Variants in DESI1 observed in about 807,000 individuals in gnomAD.
The protein encoded by DESI1 is PPPDE peptidase domain containing 2.
DESI1 carries 17 observed loss-of-function variants against 22.4 expected under a neutral mutation model. The ratio of observed to expected loss-of-function variants is 0.76; its 90% CI spans 0.52 to 1.14. The LOEUF (loss-of-function observed/expected upper bound fraction) is 1.14. Among genes scored for constraint, DESI1 ranks in the 50% most tolerant of loss-of-function variants. DESI1 has a pLI of 0.00. For synonymous variants in DESI1, 92 were observed against 84.2 expected, an observed-to-expected ratio of 1.09 and a Z score of -0.51; for missense variants, 177 against 208.9, an observed-to-expected ratio of 0.85 and a Z score of 0.94.
chr22:41,620,145 T>G (rs1569073543), intron 1 of DESI1, among the ~76,000 whole-genome samples: 2 of 152,192 alleles, frequency 1.3e-5, no homozygotes, highest in African/African-American at 4.8e-5. Context: ...GGGAGAAGAC[T>G]GCTTGGTGAA....
At position 41,600,895 on chromosome 22, in the gene DESI1, C is replaced by T; in HGVS notation, c.*202G>A. 1.7e-6 allele frequency: 1 copy of T among 574,494 alleles called. No homozygotes were observed. Among genetic ancestry groups the T allele is most frequent in the Non-Finnish European group, 3.1e-6 (1 of 319,630 alleles). The allele number at this position is 574,494 out of a possible 1,614,324, so 35.6% of individuals were successfully genotyped here. On this transcript the variant is annotated 3_prime_UTR_variant, in exon 6 of 6. Coordinates refer to ENST00000263256, the MANE Select transcript of DESI1 (RefSeq NM_015704.3). ...ACAGCCTTAATAAATTAGTATAATA[C>T]TATTAGAAGGGGTGGCATTTTGTTC...
intron 3 of DESI1, among the ~76,000 whole-genome samples, chr22:41,606,890 G>C (rs12158432): frequency 0.067 from 10,082 of 151,490 alleles, 1,084 homozygotes; most frequent in African/African-American, 0.23. Flanking sequence ...GTTTGGGCAA[G>C]TCTTGATGCT....
In DESI1 at chr22:41,598,601, G is replaced by A. The variant is rs113728595; in HGVS notation, c.*2496C>T. 944 of 152,702 alleles carry A rather than the reference G, an allele frequency of 6.2e-3. 16 individuals carry two copies. Among genetic ancestry groups the A allele is most frequent in the South Asian group, 0.058 (281 of 4,826 alleles). The allele number at this position is 152,702 out of a possible 1,614,324, so 9.5% of individuals were successfully genotyped here. A position where few individuals can be genotyped will look rare whatever the true frequency, so the allele number is the denominator to read the frequency against. ...CTGGGCCTAAGGGTGCCTGCTGGAA[G>A]AAGCAAACCAGCTGAAACTGGATCT... On this transcript the variant is annotated 3_prime_UTR_variant, in exon 6 of 6. Coordinates refer to ENST00000263256, the MANE Select transcript of DESI1 (RefSeq NM_015704.3).
chr22:41,618,524 A>G (rs1323448888), intron 1 of DESI1, among the ~76,000 whole-genome samples: 1 of 152,222 alleles, frequency 6.6e-6, no homozygotes, highest in Non-Finnish European at 1.5e-5. Context: ...TTTGTTCATT[A>G]TATCAACCTC....
At position 41,598,207 on chromosome 22, in the gene DESI1, A is replaced by G. The variant is rs1415133346; in HGVS notation, c.*2890T>C. Reference sequence around the variant, plus strand: ...CCTCCTTCCCTATCCCTTTAAACCAATGGACCTCTAGAGGTGTCCACTGTG... The same window carrying G: ...CCTCCTTCCCTATCCCTTTAAACCAGTGGACCTCTAGAGGTGTCCACTGTG... On this transcript the variant is annotated 3_prime_UTR_variant, in exon 6 of 6. Transcript: ENST00000263256. 1 of 151,990 alleles carries G rather than the reference A, an allele frequency of 6.6e-6. No homozygotes were observed. The highest frequency in any genetic ancestry group is 6.6e-5 in the Admixed American group (1 of 15,244). The allele number at this position is 151,990 out of a possible 1,614,324, so 9.4% of individuals were successfully genotyped here.
chr22:41,605,562 C>T (rs2067474309), intron 3 of DESI1, among the ~76,000 whole-genome samples: 1 of 152,306 alleles, frequency 6.6e-6, no homozygotes, highest in South Asian at 2.1e-4. Flanking sequence ...AGGCAGAGAA[C>T]AATTATCTCA....
At chr22:41,604,250 CTTTTT>C (rs1264626626) in intron 3 of DESI1, 97 bp from the exon 4 acceptor site, 839 of 283,148 alleles carry the variant, frequency 3.0e-3, no homozygotes, top group South Asian at 4.9e-3. Flanking sequence ...TCTGTTCTGA[CTTTTT>C]TTTTTTTTTT....
chr22:41,610,443 C>T (rs925738202), intron 1 of DESI1, among the ~76,000 whole-genome samples: 20 of 151,972 alleles, frequency 1.3e-4, no homozygotes, highest in African/African-American at 4.6e-4. Flanking sequence ...ATTTCAACAT[C>T]CAGCAAATTA....
At chr22:41,618,128 T>A (rs1461499519) in intron 1 of DESI1, among the ~76,000 whole-genome samples, 1 of 152,068 alleles carries the variant, frequency 6.6e-6, no homozygotes, top group Non-Finnish European at 1.5e-5. Flanking sequence ...TTTGGGAGGC[T>A]GAGGCGGGCG....
chr22:41,607,716 G>T, intron 2 of DESI1, 124 bp downstream of exon 2: 3 of 1,144,916 alleles, frequency 2.6e-6, no homozygotes, highest in Non-Finnish European at 3.9e-6. Flanking sequence ...ACTGCTTTAG[G>T]GCTTGAAGAT....
intron 3 of DESI1, among the ~76,000 whole-genome samples, chr22:41,605,996 G>A (rs2067477339): frequency 6.6e-6 from 1 of 152,198 alleles, no homozygotes; most frequent in Non-Finnish European, 1.5e-5. Flanking sequence ...AATGAGAAGA[G>A]AGTGAGGGTT....
chr22:41,615,965 T>C (rs143479512), intron 1 of DESI1, among the ~76,000 whole-genome samples: 2,270 of 152,344 alleles, frequency 0.015, 52 homozygotes, highest in African/African-American at 0.051. Context: ...TGGTGACTCA[T>C]GCCTTACTTT....
intron 1 of DESI1, among the ~76,000 whole-genome samples, chr22:41,609,086 C>A (rs2067500706): frequency 6.6e-6 from 1 of 152,128 alleles, no homozygotes; most frequent in Non-Finnish European, 1.5e-5. Context: ...GGATTACAGG[C>A]ATGCACCACC....
chr22:41,609,253 C>G (rs1327870826), intron 1 of DESI1, among the ~76,000 whole-genome samples: 2 of 152,142 alleles, frequency 1.3e-5, no homozygotes, highest in African/African-American at 4.8e-5. Flanking sequence ...ATAGCATCCT[C>G]AGAGATAGTT....
intron 1 of DESI1, 107 bp downstream of exon 1, chr22:41,620,645 G>T: frequency 9.0e-7 from 1 of 1,115,566 alleles, no homozygotes; most frequent in South Asian, 1.5e-5. Context: ...CATCCTCCTG[G>T]CCATGTGTCT....
chr22:41,607,441 C>T, intron 2 of DESI1, 110 bp from the exon 3 acceptor site: 1 of 1,052,692 alleles, frequency 9.5e-7, no homozygotes, highest in Non-Finnish European at 1.3e-6. Context: ...ACTGTGGGGA[C>T]CAGTCTTATA....
At position 41,620,797 on chromosome 22, in the gene DESI1, C is replaced by A. The variant is rs1003865978; in HGVS notation, c.43G>T (p.Asp15Tyr). ...CGCCGGGCCAGGCCTTTGGACAGGT[C>A]GTACACGTAGAGCTTCACCGGATAG... Reference protein sequence around the residue: ...NLYPVKLYVYDLSKGLARRLS... With the variant: ...NLYPVKLYVYYLSKGLARRLS... Residue 15 changes from aspartate (D) to tyrosine (Y), a missense_variant, in exon 1 of 6, where the codon GAC becomes TAC. Physicochemically the swap from Asp to Tyr is radical, Grantham distance 160 (BLOSUM62 -3). Transcript: ENST00000263256. 1 of 1,612,804 alleles carries A rather than the reference C, an allele frequency of 6.2e-7. No homozygotes were observed. The highest frequency in any genetic ancestry group is 1.7e-5 in the Admixed American group (1 of 59,854).
intron 1 of DESI1, among the ~76,000 whole-genome samples, chr22:41,612,938 G>C (rs2067527308): frequency 6.6e-6 from 1 of 152,028 alleles, no homozygotes; most frequent in East Asian, 1.9e-4. Context: ...TTTATCTGAA[G>C]GCCTGTAAGG....
chr22:41,609,836 C>T (rs892428451), intron 1 of DESI1, among the ~76,000 whole-genome samples: 1 of 151,276 alleles, frequency 6.6e-6, no homozygotes, highest in African/African-American at 2.4e-5. Context: ...ACCTGTAATC[C>T]CAGCACTTTG....
Sources: gnomAD v4.1 joint callset for allele counts (sites outside exome capture counted in the v4.1 genomes callset) on GRCh38, gnomAD v4.1.1 for gene constraint, MANE v1.5 for transcripts, NCBI Gene and HGNC (gene_info 2026-07-23, HGNC 2026-07-21) for gene names.